Variants in ANKS1B observed in about 807,000 individuals in gnomAD.
The protein encoded by ANKS1B is ankyrin repeat and sterile alpha motif domain containing 1B.
A neutral mutation model predicts 148.3 loss-of-function variants in ANKS1B; 36 were observed. The ratio of observed to expected loss-of-function variants is 0.24; its 90% CI spans 0.19 to 0.32. The LOEUF (loss-of-function observed/expected upper bound fraction) is 0.32. Ranked by LOEUF, ANKS1B falls within the 10% of genes least tolerant of loss-of-function variation. The pLI is 1.00. For synonymous variants in ANKS1B, 542 were observed against 560.8 expected (o/e 0.97, Z 0.47); for missense variants, 1,157 against 1,542.6 (o/e 0.75, Z 4.19).
chr12:98,795,212 A>G (rs1365104461), intron 22 of ANKS1B, among the ~76,000 whole-genome samples: 1 of 152,242 alleles, frequency 6.6e-6, no homozygotes, highest in East Asian at 1.9e-4. Context: ...CCCTTTATTA[A>G]TGTTATAGAA....
chr12:99,807,041 T>C, intron 3 of ANKS1B, among the ~76,000 whole-genome samples: 1 of 152,190 alleles, frequency 6.6e-6, no homozygotes, highest in East Asian at 1.9e-4. Flanking sequence ...TCTTTAGACA[T>C]TTATTAATAA....
intron 1 of ANKS1B, among the ~76,000 whole-genome samples, chr12:99,979,336 C>G (rs959764846): frequency 2.0e-4 from 30 of 152,128 alleles, no homozygotes; most frequent in African/African-American, 6.3e-4. Flanking sequence ...TAACAGTTCA[C>G]TAATTTCACC....
At chr12:99,302,818 CT>C in intron 12 of ANKS1B, among the ~76,000 whole-genome samples, 1 of 152,220 alleles carries the variant, frequency 6.6e-6, no homozygotes, top group Middle Eastern at 3.4e-3. Context: ...TTTTCACTTG[CT>C]TTTCATCATC....
intron 8 of ANKS1B, among the ~76,000 whole-genome samples, chr12:99,748,691 G>A (rs2060830534): frequency 1.3e-5 from 2 of 151,916 alleles, no homozygotes; most frequent in African/African-American, 2.4e-5. Flanking sequence ...ACGTTGAATC[G>A]TGGTAAGTTC....
At chr12:99,326,234 C>G (rs183480526) in intron 12 of ANKS1B, among the ~76,000 whole-genome samples, 8 of 152,130 alleles carry the variant, frequency 5.3e-5, no homozygotes. Context: ...GAGCAAATGT[C>G]ATGGCAACAG....
chr12:99,546,154 C>A (rs1307986817), intron 9 of ANKS1B, among the ~76,000 whole-genome samples: 2 of 152,000 alleles, frequency 1.3e-5, no homozygotes, highest in Admixed American at 6.6e-5. Flanking sequence ...CAATAAGTGA[C>A]AATTTATAAT....
At chr12:99,469,326 ATATACCT>A (rs1369029416) in intron 10 of ANKS1B, among the ~76,000 whole-genome samples, 1 of 150,600 alleles carries the variant, frequency 6.6e-6, no homozygotes, top group Non-Finnish European at 1.5e-5. Context: ...GCATTGGGAG[ATATACCT>A]AATGCCAAAT....
chr12:99,602,879 A>C (rs1264805755), intron 9 of ANKS1B, among the ~76,000 whole-genome samples: 1 of 152,086 alleles, frequency 6.6e-6, no homozygotes, highest in Non-Finnish European at 1.5e-5. Flanking sequence ...AATTAGTTAG[A>C]ATCTAATAAC....
intron 12 of ANKS1B, among the ~76,000 whole-genome samples, chr12:99,375,234 C>T (rs2093342870): frequency 6.6e-6 from 1 of 152,226 alleles, no homozygotes; most frequent in South Asian, 2.1e-4. Context: ...ATGTTTTCAG[C>T]AGCCCTGGTC....
intron 9 of ANKS1B, chr12:99,648,900 A>C: frequency 7.2e-7 from 1 of 1,395,132 alleles, no homozygotes; most frequent in Non-Finnish European, 9.5e-7. Flanking sequence ...TTGCATTTGG[A>C]AGGTCTGAAG....
At chr12:99,004,502 A>G (rs1308548808) in intron 17 of ANKS1B, among the ~76,000 whole-genome samples, 1 of 152,196 alleles carries the variant, frequency 6.6e-6, no homozygotes, top group East Asian at 1.9e-4. Flanking sequence ...GAATAAGTGG[A>G]GTAGGTCAAA....
At position 99,772,904 on chromosome 12, in the gene ANKS1B, C is replaced by G. The variant is rs1276520632; in HGVS notation, c.1128+18G>C. On this transcript the variant is annotated intron_variant, in intron 8 of 26. Transcript: ENST00000683438. ...CAAAGACAGACACATTATCTTCATTCCCCCCCGCCTTACTTACTACACTCT... is the reference window on the plus strand; with the variant it reads ...CAAAGACAGACACATTATCTTCATTGCCCCCCGCCTTACTTACTACACTCT... The G allele has an allele frequency of 6.3e-7, 1 of 1,592,728 alleles. No individual in the cohort carries two copies. Among genetic ancestry groups the G allele is most frequent in the East Asian group, 2.3e-5 (1 of 44,326 alleles).
At chr12:99,326,030 GAA>G (rs1477771629) in intron 12 of ANKS1B, among the ~76,000 whole-genome samples, 3 of 152,002 alleles carry the variant, frequency 2.0e-5, no homozygotes, top group Non-Finnish European at 2.9e-5. Context: ...AGTGAAGTGT[GAA>G]AAGAGTCCAT....
chr12:99,489,509 A>C (rs956525431), intron 10 of ANKS1B, among the ~76,000 whole-genome samples: 1 of 152,234 alleles, frequency 6.6e-6, no homozygotes, highest in Non-Finnish European at 1.5e-5. Context: ...AGCTATGCTA[A>C]AAATTTTAAA....
chr12:99,447,760 A>G lies in ANKS1B; in HGVS notation c.1439-3951T>C, dbSNP rs554744003. Among the ~76,000 whole-genome samples the G allele has an allele frequency of 8.9e-4, 135 of 152,232 alleles. 1 individual carries two copies. The highest frequency in any genetic ancestry group is 3.2e-3 in the African/African-American group (134 of 41,566). The stretch of plus-strand genomic sequence containing the variant: ...GAACTCAAACAACTCATAGTGAGAA[A>G]ACAATAACCTGATTTAAAAATGGGC... On this transcript the variant is annotated intron_variant, in intron 10 of 26. Transcript: ENST00000683438.
intron 1 of ANKS1B, among the ~76,000 whole-genome samples, chr12:99,912,182 G>T (rs997867538): frequency 6.6e-6 from 1 of 152,176 alleles, no homozygotes; most frequent in African/African-American, 2.4e-5. Flanking sequence ...CCTACTTAGA[G>T]GTAATTGGCA....
At chr12:99,760,389 C>A (rs1031642493) in intron 8 of ANKS1B, among the ~76,000 whole-genome samples, 5 of 151,838 alleles carry the variant, frequency 3.3e-5, no homozygotes, top group African/African-American at 1.2e-4. Flanking sequence ...AAACATATCT[C>A]AAAACCATCC....
intron 1 of ANKS1B, among the ~76,000 whole-genome samples, chr12:99,855,171 T>C (rs183185725): frequency 6.0e-4 from 91 of 152,130 alleles, no homozygotes; most frequent in Admixed American, 3.7e-3. Flanking sequence ...ACCTGACACA[T>C]AAGGACTCAC....
intron 9 of ANKS1B, among the ~76,000 whole-genome samples, chr12:99,625,364 A>C (rs2098101631): frequency 6.6e-6 from 1 of 152,126 alleles, no homozygotes; most frequent in Non-Finnish European, 1.5e-5. Flanking sequence ...GCAAATCTGC[A>C]CATGTACCCC....
Sources: allele counts gnomAD v4.1 joint callset (sites outside exome capture counted in the v4.1 genomes callset), GRCh38; gene constraint gnomAD v4.1.1; transcripts MANE v1.5; gene names NCBI Gene and HGNC (gene_info 2026-07-23, HGNC 2026-07-21).